NPR3: variants seen among roughly 807,000 people sequenced by gnomAD.
NPR3 encodes atrial natriuretic peptide receptor 3.
In NPR3, 34 loss-of-function variants were observed where a neutral mutation model predicts 54.5. The observed-to-expected ratio is 0.62, with a 90% CI of 0.47 to 0.83. The LOEUF (loss-of-function observed/expected upper bound fraction) is 0.83, where lower values mean the gene tolerates loss of function less well. Among genes scored for constraint, NPR3 ranks in the 40% least tolerant of loss-of-function variants. NPR3 has a pLI of 0.00. For missense variants in NPR3, 674 were observed against 720.8 expected (o/e 0.94, Z 0.74); for synonymous variants, 289 against 297.1 (o/e 0.97, Z 0.28).
chr5:32,752,226 C>T (rs368147880), intron 3 of NPR3, among the ~76,000 whole-genome samples: 265 of 138,602 alleles, frequency 1.9e-3, no homozygotes, highest in Admixed American at 3.0e-3. Flanking sequence ...AAAACAAAAA[C>T]AAAAACAAAA....
intron 3 of NPR3, among the ~76,000 whole-genome samples, chr5:32,762,675 G>A (rs755438462): frequency 6.6e-6 from 1 of 151,946 alleles, no homozygotes; most frequent in Non-Finnish European, 1.5e-5. Context: ...TTTTCATGGG[G>A]TTGTTTGTTT....
At chr5:32,704,370 T>TTGTGTGTGTGTGTGTG (rs57959913) in intron 1 of NPR3, among the ~76,000 whole-genome samples, 3 of 146,786 alleles carry the variant, frequency 2.0e-5, no homozygotes, top group African/African-American at 7.6e-5. Flanking sequence ...TTTTGGCTCT[T>TTGTGTGTGTGTGTGTG]TGTGTGTGTG....
rs1742800253 is a variant in NPR3 at position 32,789,524 on chromosome 5, T to C, written c.*3179T>C. ...TTCACATTTCAGAACCCATGTTTAATGGAGGGAAGAGAGAAATGCATGGGA... is the reference window on the plus strand; with the variant it reads ...TTCACATTTCAGAACCCATGTTTAACGGAGGGAAGAGAGAAATGCATGGGA... On this transcript the variant is annotated 3_prime_UTR_variant, in exon 8 of 8. Transcript: ENST00000265074. 1.9e-6 allele frequency: 1 copy of C among 534,758 alleles called. No individual in the cohort carries two copies. Among genetic ancestry groups the C allele is most frequent in the South Asian group, 1.4e-5 (1 of 71,590 alleles). The allele number at this position is 534,758 out of a possible 1,614,324, so 33.1% of individuals were successfully genotyped here. A position where few individuals can be genotyped will look rare whatever the true frequency, so the allele number is the denominator to read the frequency against.
intron 2 of NPR3, among the ~76,000 whole-genome samples, chr5:32,725,973 G>A (rs202214796): frequency 1.3e-5 from 2 of 152,176 alleles, no homozygotes; most frequent in African/African-American, 4.8e-5. Flanking sequence ...CTGTCATGGA[G>A]GGTGTTTAAG....
intron 1 of NPR3, among the ~76,000 whole-genome samples, chr5:32,697,042 A>G (rs932097738): frequency 1.3e-5 from 2 of 151,982 alleles, no homozygotes; most frequent in South Asian, 2.1e-4. Context: ...CAGTGGTGAC[A>G]GTGTCATGTT....
At chr5:32,716,367 A>AC in intron 1 of NPR3, 1 of 412,016 alleles carries the variant, frequency 2.4e-6, no homozygotes, top group Non-Finnish European at 4.7e-6. Flanking sequence ...ATAACATGCT[A>AC]CTTTTTTTTT....
intron 1 of NPR3, among the ~76,000 whole-genome samples, chr5:32,692,184 C>T (rs528727667): frequency 2.6e-5 from 4 of 152,050 alleles, no homozygotes; most frequent in Admixed American, 6.6e-5. Context: ...AAAAAGAACT[C>T]GAAGTGATTC....
chr5:32,781,282 G>C (rs962591550), intron 5 of NPR3, among the ~76,000 whole-genome samples: 4 of 152,154 alleles, frequency 2.6e-5, no homozygotes, highest in Non-Finnish European at 4.4e-5. Context: ...AGTTTCCTCA[G>C]CTGTAACATG....
At chr5:32,781,309 C>A (rs969448655) in intron 5 of NPR3, among the ~76,000 whole-genome samples, 1 of 152,170 alleles carries the variant, frequency 6.6e-6, no homozygotes, top group Non-Finnish European at 1.5e-5. Context: ...ATCATGTCTT[C>A]CTGGCTGATG....
At chr5:32,706,499 G>C (rs1382818723), upstream of NPR3, among the ~76,000 whole-genome samples, 1 of 152,188 alleles carries the variant, frequency 6.6e-6, no homozygotes, top group Admixed American at 6.5e-5. Flanking sequence ...AAGGCATTTT[G>C]CTTGTTGACT....
Position 32,784,786 on chromosome 5 carries a change from C to T in NPR3, c.1427-10C>T, listed in dbSNP as rs1406949401. ...AAATGAACCCTGATTATCCATGCTT[C>T]TTTTTCAAGCAGGTGGCCTAGAAGA... On this transcript the variant is annotated splice_polypyrimidine_tract_variant and intron_variant, in intron 6 of 7. Transcript: ENST00000265074. The T allele has an allele frequency of 1.2e-6, 2 of 1,610,072 alleles. No homozygotes were observed. The highest frequency in any genetic ancestry group is 1.7e-6 in the Non-Finnish European group (2 of 1,176,644).
At chr5:32,737,627 A>C (rs1036205462) in intron 2 of NPR3, among the ~76,000 whole-genome samples, 1 of 152,158 alleles carries the variant, frequency 6.6e-6, no homozygotes, top group Non-Finnish European at 1.5e-5. Flanking sequence ...AATCATAACA[A>C]TACTTCGTAG....
intron 3 of NPR3, among the ~76,000 whole-genome samples, chr5:32,748,819 A>C (rs1740430127): frequency 1.3e-5 from 2 of 152,214 alleles, no homozygotes; most frequent in South Asian, 4.1e-4. Context: ...CCTTGTTATG[A>C]GCACTTTTTG....
At position 32,762,770 on chromosome 5, in the gene NPR3, A is replaced by G. The variant is rs547310678; in HGVS notation, c.1060-11938A>G. Among the ~76,000 whole-genome samples the G allele has an allele frequency of 1.1e-3, 160 of 152,084 alleles. 1 individual carries two copies. Among genetic ancestry groups the G allele is most frequent in the African/African-American group, 3.8e-3 (156 of 41,498 alleles). On this transcript the variant is annotated intron_variant, in intron 3 of 7. Coordinates refer to ENST00000265074, the MANE Select transcript of NPR3 (RefSeq NM_001204375.2). Reference sequence around the variant, plus strand: ...GGATAGATTGCAAAATTTTTCTCCCATTCTGTAGGTTGCCTGTTCACTCTG... The same window carrying G: ...GGATAGATTGCAAAATTTTTCTCCCGTTCTGTAGGTTGCCTGTTCACTCTG...
intron 3 of NPR3, among the ~76,000 whole-genome samples, chr5:32,755,701 ATC>A (rs1740799838): frequency 6.6e-6 from 1 of 152,182 alleles, no homozygotes; most frequent in African/African-American, 2.4e-5. Flanking sequence ...GTTTGGAAAG[ATC>A]TGTGTCTTTT....
chr5:32,748,752 A>C (rs1012959983), intron 3 of NPR3, among the ~76,000 whole-genome samples: 2 of 152,226 alleles, frequency 1.3e-5, no homozygotes, highest in Admixed American at 1.3e-4. Context: ...TGAAATAGGC[A>C]GACAACTGTA....
At position 32,712,424 on chromosome 5, in the gene NPR3, C is replaced by T. The variant is rs1478315662; in HGVS notation, c.648C>T (p.Thr216=). 1.2e-6 allele frequency: 2 copies of T among 1,612,914 alleles called. No individual in the cohort carries two copies. The highest frequency in any genetic ancestry group is 1.7e-6 in the Non-Finnish European group (2 of 1,179,558). Residue 216 remains threonine, a synonymous_variant, in exon 1 of 8, where the codon ACC becomes ACT. Coordinates refer to ENST00000265074, the MANE Select transcript of NPR3 (RefSeq NM_001204375.2). ...DDKLERNCYF[T]LEGVHEVFQE... is the part of the protein sequence containing the mutation. ...AGCTGGAGCGGAACTGCTACTTCAC[C>T]CTCGAGGGGGTCCACGAGGTCTTCC...
Position 32,724,798 on chromosome 5 carries a change from G to A in NPR3, c.870G>A (p.Glu290=), listed in dbSNP as rs1739053169. 6.2e-7 allele frequency: 1 copy of A among 1,613,754 alleles called. No individual in the cohort carries two copies. Among genetic ancestry groups the A allele is most frequent in the African/African-American group, 1.3e-5 (1 of 74,868 alleles). Residue 290 remains glutamate (E), a synonymous_variant, in exon 2 of 8, where the codon GAG becomes GAA. Transcript: ENST00000265074. ...TSGDYAFFNI[E]LFNSSSYGDG... Reference sequence around the variant, plus strand: ...GAGACTACGCCTTCTTCAACATTGAGCTCTTCAACAGCTCTTCCTATGGTA... The same window carrying A: ...GAGACTACGCCTTCTTCAACATTGAACTCTTCAACAGCTCTTCCTATGGTA...
At chr5:32,733,685 G>A (rs1739580878) in intron 2 of NPR3, among the ~76,000 whole-genome samples, 1 of 152,148 alleles carries the variant, frequency 6.6e-6, no homozygotes. Flanking sequence ...AGTGATACAT[G>A]TACATTAAAG....
Sources: allele counts gnomAD v4.1 joint callset (sites outside exome capture counted in the v4.1 genomes callset), GRCh38; gene constraint gnomAD v4.1.1; transcripts MANE v1.5; gene names NCBI Gene and HGNC (gene_info 2026-07-23, HGNC 2026-07-21).